The following ADAMTS10 variants were observed in gnomAD, a reference collection of about 807,000 sequenced individuals.
ADAMTS10 encodes A disintegrin and metalloproteinase with thrombospondin motifs 10.
Under a neutral mutation model 135.9 loss-of-function variants are expected in ADAMTS10, and 48 were observed. That is an observed-to-expected ratio of 0.35 (90% CI 0.28 to 0.45). The LOEUF (loss-of-function observed/expected upper bound fraction) is 0.45, where lower values mean the gene tolerates loss of function less well. Ranked by LOEUF, ADAMTS10 falls within the 20% of genes least tolerant of loss-of-function variation. The pLI, the probability that ADAMTS10 is intolerant of heterozygous loss-of-function variation, is 1.00. For synonymous variants in ADAMTS10, 621 were observed against 647.5 expected, an observed-to-expected ratio of 0.96 and a Z score of 0.62; for missense variants, 1,131 against 1,565.2, an observed-to-expected ratio of 0.72 and a Z score of 4.68.
chr19:8,592,723 AG>A, intron 13 of ADAMTS10, 39 bp downstream of exon 13: 1 of 1,578,016 alleles, frequency 6.3e-7, no homozygotes, highest in South Asian at 1.1e-5. Context: ...GAGGTGGCTC[AG>A]GGGGCGTGGC....
chr19:8,587,524 T>C (rs1555737628), intron 18 of ADAMTS10, among the ~76,000 whole-genome samples: 1 of 147,668 alleles, frequency 6.8e-6, no homozygotes. Context: ...TGGAGTGCAG[T>C]GGTGCGATCA....
rs1555740120 is a variant in ADAMTS10, at chr19:8,596,197, C to T, written c.1213G>A (p.Val405Met). ...CCACGGGCCCCACAGCTGTTTCCCA[C>T]GCCGTCATGGTTCATGCCGAATCTG... is the stretch of plus-strand genomic sequence containing the variant. Reference protein sequence around the residue: ...GHTFGMNHDGVGNSCGARGQD... With the variant: ...GHTFGMNHDGMGNSCGARGQD... Residue 405 changes from valine to methionine, a missense_variant, in exon 11 of 26, where the codon GTG (valine) becomes ATG (methionine). By Grantham distance (21) the Val-to-Met change is conservative. Coordinates refer to ENST00000597188, the MANE Select transcript of ADAMTS10 (RefSeq NM_030957.4). The surrounding 1 kb of genome is among the most constrained non-coding windows in gnomAD (Gnocchi z 7.2). 3.1e-6 allele frequency: 5 copies of T among 1,614,066 alleles called. No individual in the cohort carries two copies. The highest frequency in any genetic ancestry group is 4.2e-6 in the Non-Finnish European group (5 of 1,180,018).
At chr19:8,590,073 C>T in intron 15 of ADAMTS10, 82 bp from the exon 16 acceptor site, 2 of 1,011,260 alleles carry the variant, frequency 2.0e-6, no homozygotes, top group Non-Finnish European at 3.1e-6. Context: ...GAAAGATGGG[C>T]TGGAGGAGGG....
intron 15 of ADAMTS10, 63 bp from the exon 16 acceptor site, chr19:8,590,054 G>A: frequency 8.3e-7 from 1 of 1,198,060 alleles, no homozygotes; most frequent in South Asian, 1.2e-5. Flanking sequence ...CAGAAAAGGG[G>A]TGCTCAGAGA....
chr19:8,599,433 C>T (rs1468099706), intron 6 of ADAMTS10, among the ~76,000 whole-genome samples: 7 of 151,954 alleles, frequency 4.6e-5, no homozygotes, highest in Admixed American at 2.0e-4. Flanking sequence ...CGGGTTCAAG[C>T]GATTCTCCTG....
In ADAMTS10 at chr19:8,585,727, A is replaced by C. The variant is rs1233011925; in HGVS notation, c.2661-67T>G. The C allele has an allele frequency of 2.0e-6, 3 of 1,465,530 alleles. No homozygotes were observed. In the African/African-American group the frequency reaches 4.2e-5, roughly 20 times the overall value. The allele number at this position is 1,465,530 out of a possible 1,614,324, so 90.8% of individuals were successfully genotyped here. A position where few individuals can be genotyped will look rare whatever the true frequency, so the allele number is the denominator to read the frequency against. Reference sequence around the variant, plus strand: ...GGGTCCCAACACAACAGCAGGGGGCACTATAGCCTACCCCCACCCTTCCAA... The same window carrying C: ...GGGTCCCAACACAACAGCAGGGGGCCCTATAGCCTACCCCCACCCTTCCAA... On this transcript the variant is annotated intron_variant, in intron 22 of 25. Transcript: ENST00000597188.
At position 8,596,921 on chromosome 19, in the gene ADAMTS10, A is replaced by C. The variant is rs1342952874; in HGVS notation, c.1040+66T>G. 4.4e-6 allele frequency: 7 copies of C among 1,600,072 alleles called. No homozygotes were observed. Among genetic ancestry groups the C allele is most frequent in the Non-Finnish European group, 5.9e-6 (7 of 1,177,826 alleles). ...CCTAGCAGAAGTGATCTCTGTTTGG[A>C]CTCTCATGGTTCCCTGGACCATCTG... On this transcript the variant is annotated intron_variant, in intron 8 of 25. Transcript: ENST00000597188. The surrounding 1 kb of genome is among the most constrained non-coding windows in gnomAD (Gnocchi z 7.2).
At chr19:8,587,451 AC>A in intron 18 of ADAMTS10, among the ~76,000 whole-genome samples, 1 of 122,438 alleles carries the variant, frequency 8.2e-6, no homozygotes, top group South Asian at 2.8e-4. Context: ...TGCTGGGAGC[AC>A]CGGTATGAGC....
rs2042711947 is a variant in ADAMTS10, at chr19:8,605,523, G to A, written c.88+100C>T. 3.2e-6 allele frequency: 4 copies of A among 1,267,106 alleles called. No homozygotes were observed. The Admixed American group carries it at 6.4e-5, about 20-fold the overall frequency. The allele number at this position is 1,267,106 out of a possible 1,614,324, so 78.5% of individuals were successfully genotyped here. A position where few individuals can be genotyped will look rare whatever the true frequency, so the allele number is the denominator to read the frequency against. On this transcript the variant is annotated intron_variant, in intron 3 of 25. Coordinates refer to ENST00000597188, the MANE Select transcript of ADAMTS10 (RefSeq NM_030957.4). This position sits in a 1 kb window ranked among gnomAD's most constrained non-coding sequence, Gnocchi z 7.7. ...ATTGACCCCAGGGCCTTCCCCCATT[G>A]ACCCCCATCCCAGCCCCCTGATGCC...
At chr19:8,595,698 T>TGCCAGCC in intron 12 of ADAMTS10, 64 bp downstream of exon 12, 8 of 1,291,948 alleles carry the variant, frequency 6.2e-6, no homozygotes, top group African/African-American at 1.5e-5. Flanking sequence ...CTGGTGGAGT[T>TGCCAGCC]CCCTCCCCCA....
At chr19:8,610,049 CAG>C (rs2042763832) in intron 1 of ADAMTS10, among the ~76,000 whole-genome samples, 2 of 152,012 alleles carry the variant, frequency 1.3e-5, no homozygotes, top group East Asian at 3.9e-4. Context: ...CCTACACAAA[CAG>C]AAACACACAC....
intron 25 of ADAMTS10, among the ~76,000 whole-genome samples, chr19:8,584,154 C>CAAAAA (rs34412373): frequency 5.8e-4 from 26 of 44,826 alleles, no homozygotes; most frequent in Non-Finnish European, 7.9e-4. Flanking sequence ...GACTCCATCT[C>CAAAAA]AAAAAAAAAA....
chr19:8,604,590 T>C (rs999142661), intron 4 of ADAMTS10, among the ~76,000 whole-genome samples: 6 of 151,770 alleles, frequency 4.0e-5, no homozygotes, highest in Non-Finnish European at 8.8e-5. Context: ...CAACTGATTC[T>C]CCCACCTCAG....
intron 25 of ADAMTS10, among the ~76,000 whole-genome samples, chr19:8,584,154 C>CAA (rs34412373): frequency 6.7e-3 from 294 of 44,060 alleles, no homozygotes; most frequent in African/African-American, 7.7e-3. Flanking sequence ...GACTCCATCT[C>CAA]AAAAAAAAAA....
chr19:8,582,890 T>C (rs1408085657), intron 25 of ADAMTS10, among the ~76,000 whole-genome samples: 7 of 152,206 alleles, frequency 4.6e-5, no homozygotes, highest in African/African-American at 1.7e-4. Context: ...CCTCAGGTGA[T>C]CTGCCCACCT....
At chr19:8,603,905 T>C in intron 4 of ADAMTS10, 21 bp from the exon 5 acceptor site, 1 of 1,591,408 alleles carries the variant, frequency 6.3e-7, no homozygotes, top group Non-Finnish European at 8.6e-7. Flanking sequence ...AGAAGTGGGA[T>C]AGAAAGCTCT....
rs1411647155 is a variant in ADAMTS10, at chr19:8,584,956, C to A, written c.3141G>T (p.Pro1047=). 1.9e-6 allele frequency: 3 copies of A among 1,547,834 alleles called. No homozygotes were observed. The highest frequency in any genetic ancestry group is 2.6e-6 in the Non-Finnish European group (3 of 1,146,364). Residue 1047 remains proline, a synonymous_variant, in exon 25 of 26, where the codon CCG becomes CCT. Coordinates refer to ENST00000597188, the MANE Select transcript of ADAMTS10 (RefSeq NM_030957.4). ...TGGCCTCACACTGCTGCGTGGTGGG[C>A]GGCCGCAGGGCCTCCGTGCACTCGT... ...ASHECTEALR[P]PTTQQCEAKC... is the part of the protein sequence containing the mutation.
In ADAMTS10 at chr19:8,585,004, G is replaced by T. The variant is rs1197348942; in HGVS notation, c.3093C>A (p.Thr1031=). The change falls in exon 25 of 26, where the codon ACC becomes ACA. Residue 1031 remains threonine, a synonymous_variant. Coordinates refer to ENST00000597188, the MANE Select transcript of ADAMTS10 (RefSeq NM_030957.4). Reference sequence around the variant, plus strand: ...CGTGCGACGCCTGGCCCGTGTGGCTGGTGCAGCGCACCGAGCGCTGCCGCT... The same window carrying T: ...CGTGCGACGCCTGGCCCGTGTGGCTTGTGCAGCGCACCGAGCGCTGCCGCT... ...VGQRQRSVRC[T]SHTGQASHEC... 2 of 1,540,894 alleles carry T rather than the reference G, an allele frequency of 1.3e-6. No homozygotes were observed. Among genetic ancestry groups the T allele is most frequent in the South Asian group, 2.4e-5 (2 of 83,866 alleles).
In ADAMTS10 at chr19:8,581,130, CTTTTTTT is replaced by C. The variant is rs369050914; in HGVS notation, c.3203-135_3203-129del. On this transcript the variant is annotated intron_variant, in intron 25 of 25. Coordinates refer to ENST00000597188, the MANE Select transcript of ADAMTS10 (RefSeq NM_030957.4). Reference sequence around the variant, plus strand: ...CTTGGTTTCTTTCTTTTTAAATTTACTTTTTTTTTTTTTTTTTTTTTTTTTTTTTACA... The same window carrying C: ...CTTGGTTTCTTTCTTTTTAAATTTACTTTTTTTTTTTTTTTTTTTTTTACA... The C allele has an allele frequency of 5.4e-3, 797 of 147,056 alleles. 6 individuals are homozygous for C. Among genetic ancestry groups the C allele is most frequent in the African/African-American group, 0.019 (348 of 18,364 alleles). The allele number at this position is 147,056 out of a possible 1,614,324, so 9.1% of individuals were successfully genotyped here. A position where few individuals can be genotyped will look rare whatever the true frequency, so the allele number is the denominator to read the frequency against.
Sources: gnomAD v4.1 joint callset for allele counts (sites outside exome capture counted in the v4.1 genomes callset) on GRCh38, gnomAD v4.1.1 for gene constraint, Gnocchi (gnomAD v3.1) non-coding constraint, MANE v1.5 for transcripts, NCBI Gene and HGNC (gene_info 2026-07-23, HGNC 2026-07-21) for gene names.